The following GCA variants were observed in gnomAD, a reference collection of about 807,000 sequenced individuals.
GCA encodes grancalcin, EF-hand calcium-binding protein.
GCA carries 30 observed loss-of-function variants against 32.6 expected under a neutral mutation model. The observed-to-expected ratio is 0.92, with a 90% CI of 0.69 to 1.25. GCA has a LOEUF of 1.25. GCA is among the 50% of genes most tolerant of loss of function. The pLI is 0.00. For missense variants in GCA, 291 were observed against 266.8 expected (o/e 1.09, Z -0.63); for synonymous variants, 102 against 84.6 (o/e 1.21, Z -1.13).
At chr2:162,350,127 G>C (rs1418892627) in intron 2 of GCA, among the ~76,000 whole-genome samples, 5 of 152,164 alleles carry the variant, frequency 3.3e-5, no homozygotes, top group Non-Finnish European at 7.3e-5. Flanking sequence ...GCAGCCATGT[G>C]CCGTAGGACT....
At chr2:162,324,762 TC>T (rs2105257825) in intron 1 of GCA, among the ~76,000 whole-genome samples, 1 of 152,346 alleles carries the variant, frequency 6.6e-6, no homozygotes, top group Non-Finnish European at 1.5e-5. Flanking sequence ...ACCACGCTCT[TC>T]CCTTCTCAGC....
Position 162,360,886 on chromosome 2 carries a change from T to A in GCA, c.*643T>A. On this transcript the variant is annotated 3_prime_UTR_variant, in exon 8 of 8. Transcript: ENST00000437150. ...ATATATTTTTCTTAAATATGTTTTA[T>A]TGTCTTCTCTAAGCAAAAAGTTCTT... The A allele has an allele frequency of 3.6e-6, 4 of 1,114,886 alleles. No homozygotes were observed. The highest frequency in any genetic ancestry group is 4.5e-6 in the Non-Finnish European group (4 of 891,390). The allele number at this position is 1,114,886 out of a possible 1,614,324, so 69.1% of individuals were successfully genotyped here. A position where few individuals can be genotyped will look rare whatever the true frequency, so the allele number is the denominator to read the frequency against.
At chr2:162,328,897 T>G (rs1053981824) in intron 1 of GCA, among the ~76,000 whole-genome samples, 1 of 152,168 alleles carries the variant, frequency 6.6e-6, no homozygotes, top group Non-Finnish European at 1.5e-5. Flanking sequence ...GGTTTACCCC[T>G]GGAGTTGGGC....
Position 162,344,148 on chromosome 2 carries a change from T to G in GCA, c.-101T>G. 2 of 1,289,450 alleles carry G rather than the reference T, an allele frequency of 1.6e-6. No individual in the cohort carries two copies. Among genetic ancestry groups the G allele is most frequent in the African/African-American group, 2.9e-5 (2 of 68,766 alleles). 79.9% of individuals were successfully genotyped at this position (1,289,450 alleles called of 1,614,324 possible). A position where few individuals can be genotyped will look rare whatever the true frequency, so the allele number is the denominator to read the frequency against. On this transcript the variant is annotated 5_prime_UTR_variant, in exon 1 of 8. Transcript: ENST00000437150. ...TGTGCGGTTAGTGCGCCTTTCAGCCTCACCTGCAGCTGCGCCTCCTTGCAC... is the reference window on the plus strand; with the variant it reads ...TGTGCGGTTAGTGCGCCTTTCAGCCGCACCTGCAGCTGCGCCTCCTTGCAC...
chr2:162,321,293 C>A (rs1046138703), intron 1 of GCA, among the ~76,000 whole-genome samples: 8 of 152,074 alleles, frequency 5.3e-5, no homozygotes, highest in African/African-American at 1.9e-4. Flanking sequence ...ATGTAAGTTT[C>A]TTTTTCCTTT....
chr2:162,329,083 TC>T (rs1280036884), intron 1 of GCA, among the ~76,000 whole-genome samples: 2 of 152,110 alleles, frequency 1.3e-5, no homozygotes, highest in Non-Finnish European at 2.9e-5. Context: ...TCCTTCTATG[TC>T]TGCCTGCTAC....
intron 7 of GCA, 55 bp downstream of exon 7, chr2:162,359,607 A>G: frequency 1.2e-6 from 1 of 845,908 alleles, no homozygotes; most frequent in African/African-American, 1.8e-5. Context: ...CTCAGTTAGT[A>G]AAAAAATTTA....
chr2:162,337,932 T>A (rs1684321902), intron 1 of GCA, among the ~76,000 whole-genome samples: 1 of 152,216 alleles, frequency 6.6e-6, no homozygotes, highest in Admixed American at 6.5e-5. Context: ...CGGGGTCTCC[T>A]GTTTTCAGCT....
downstream of GCA, among the ~76,000 whole-genome samples, chr2:162,374,198 ATGC>A (rs1156703111): frequency 1.3e-5 from 2 of 152,138 alleles, no homozygotes; most frequent in African/African-American, 4.8e-5. Flanking sequence ...TTAATGTTTA[ATGC>A]TGTTAAATGT....
At chr2:162,345,328 G>C (rs1684644590) in intron 1 of GCA, among the ~76,000 whole-genome samples, 1 of 152,184 alleles carries the variant, frequency 6.6e-6, no homozygotes, top group African/African-American at 2.4e-5. Context: ...CCTAAGGAAA[G>C]TAAAGCCCCT....
At chr2:162,343,698 T>C (rs1267502309), upstream of GCA, among the ~76,000 whole-genome samples, 8 of 152,114 alleles carry the variant, frequency 5.3e-5, no homozygotes, top group Non-Finnish European at 1.0e-4. Flanking sequence ...TACACAAAAG[T>C]AAATGTAACT....
chr2:162,343,972 G>T (rs1003345124), upstream of GCA: 4 of 508,168 alleles, frequency 7.9e-6, no homozygotes, highest in South Asian at 7.9e-5. Context: ...CTCCCGATGG[G>T]GTGTAGCCAA....
rs561906342 is a variant in GCA, at chr2:162,328,952, C to T, written c.-31+9727C>T. On this transcript the variant is annotated intron_variant, in intron 1 of 4. Transcript: ENST00000429691. ...TCCACTGACTATCCCAGCCAAACTCCGCATCATTCTGCTTCTGCTGGTCAG... is the reference window on the plus strand; with the variant it reads ...TCCACTGACTATCCCAGCCAAACTCTGCATCATTCTGCTTCTGCTGGTCAG... Among the ~76,000 whole-genome samples the T allele has an allele frequency of 1.1e-4, 16 of 152,272 alleles. No homozygotes were observed. The South Asian group carries it at 1.9e-3, about 18-fold the overall frequency.
intron 1 of GCA, among the ~76,000 whole-genome samples, chr2:162,338,105 T>G (rs1471471340): frequency 1.3e-5 from 2 of 152,250 alleles, no homozygotes; most frequent in Non-Finnish European, 2.9e-5. Flanking sequence ...CACAAGATTG[T>G]TGTGAAAGTC....
At chr2:162,344,720 C>T (rs1384983264) in intron 1 of GCA, among the ~76,000 whole-genome samples, 2 of 151,068 alleles carry the variant, frequency 1.3e-5, no homozygotes, top group African/African-American at 4.9e-5. Flanking sequence ...AACTCCTAAT[C>T]TTTACTGTTA....
chr2:162,321,663 GAAAAAT>G (rs1050716877), intron 1 of GCA, among the ~76,000 whole-genome samples: 3 of 151,780 alleles, frequency 2.0e-5, no homozygotes, highest in Non-Finnish European at 4.4e-5. Flanking sequence ...GCTGTGCTTT[GAAAAAT>G]CACCTCAAAT....
chr2:162,350,849 G>A (rs191220246), intron 2 of GCA, among the ~76,000 whole-genome samples: 262 of 152,096 alleles, frequency 1.7e-3, no homozygotes, highest in African/African-American at 6.0e-3. Flanking sequence ...TAAATGTTTC[G>A]TATGGATGAA....
At chr2:162,374,419 G>T (rs576326720), downstream of GCA, among the ~76,000 whole-genome samples, 11 of 152,230 alleles carry the variant, frequency 7.2e-5, no homozygotes, top group South Asian at 2.1e-3. Context: ...TAATTGGTCA[G>T]ATTCCCCTCC....
At chr2:162,336,789 A>G (rs1684284528) in intron 1 of GCA, among the ~76,000 whole-genome samples, 1 of 152,190 alleles carries the variant, frequency 6.6e-6, no homozygotes, top group Non-Finnish European at 1.5e-5. Flanking sequence ...TTACAGAACA[A>G]TTTCATGGGT....
Sources: allele counts gnomAD v4.1 joint callset (sites outside exome capture counted in the v4.1 genomes callset), GRCh38; gene constraint gnomAD v4.1.1; transcripts MANE v1.5; gene names NCBI Gene and HGNC (gene_info 2026-07-23, HGNC 2026-07-21).